NRCAM: variants seen among roughly 807,000 people sequenced by gnomAD.
The protein encoded by NRCAM is NgCAM-related cell adhesion molecule.
A neutral mutation model predicts 156.5 loss-of-function variants in NRCAM; 83 were observed. The observed-to-expected ratio is 0.53, with a 90% CI of 0.44 to 0.64. The LOEUF (loss-of-function observed/expected upper bound fraction) is 0.64. Ranked by LOEUF, NRCAM falls within the 30% of genes least tolerant of loss-of-function variation. NRCAM has a pLI of 0.00. For synonymous variants in NRCAM, 538 were observed against 563.9 expected (o/e 0.95, Z 0.65); for missense variants, 1,417 against 1,597.3 (o/e 0.89, Z 1.92).
intron 3 of NRCAM, among the ~76,000 whole-genome samples, chr7:108,280,809 T>A (rs769157865): frequency 5.4e-5 from 8 of 149,322 alleles, no homozygotes; most frequent in Non-Finnish European, 7.4e-5. Context: ...TGGGTTTTAG[T>A]CTGGGTCTGT....
intron 32 of NRCAM, among the ~76,000 whole-genome samples, chr7:108,155,678 A>T (rs1393788639): frequency 6.6e-6 from 1 of 152,020 alleles, no homozygotes; most frequent in Non-Finnish European, 1.5e-5. Context: ...CCTGTGTGGG[A>T]CCAAATTCTA....
At chr7:108,405,048 A>G (rs2099803461) in intron 1 of NRCAM, among the ~76,000 whole-genome samples, 2 of 152,214 alleles carry the variant, frequency 1.3e-5, no homozygotes, top group Admixed American at 1.3e-4. Flanking sequence ...ACTTAGCAGC[A>G]CAGAGAGCTA....
intron 8 of NRCAM, among the ~76,000 whole-genome samples, chr7:108,227,434 C>A (rs952662510): frequency 2.6e-5 from 4 of 152,178 alleles, no homozygotes; most frequent in Admixed American, 6.5e-5. Context: ...ATACCCATCA[C>A]CTTAGACAGT....
chr7:108,347,760 C>T (rs1482225938), intron 2 of NRCAM, among the ~76,000 whole-genome samples: 1 of 152,194 alleles, frequency 6.6e-6, no homozygotes. Context: ...TTTTGAGCAG[C>T]TTCCCAAAAA....
chr7:108,234,820 A>G (rs764025387), intron 5 of NRCAM, 132 bp from the exon 6 acceptor site: 2 of 780,982 alleles, frequency 2.6e-6, no homozygotes. Flanking sequence ...TTTCTAGTGT[A>G]GCAGCATATA....
intron 32 of NRCAM, among the ~76,000 whole-genome samples, chr7:108,157,210 T>G (rs531447018): frequency 9.2e-5 from 14 of 152,266 alleles, no homozygotes; most frequent in Admixed American, 3.9e-4. Context: ...GTACAAGTGT[T>G]TTTGTCTTCG....
intron 4 of NRCAM, among the ~76,000 whole-genome samples, chr7:108,238,674 T>A (rs1392776963): frequency 6.6e-6 from 1 of 152,148 alleles, no homozygotes; most frequent in African/African-American, 2.4e-5. Context: ...TTCTCTCAAA[T>A]GTTTTCTTTC....
At chr7:108,354,129 A>C (rs2099458635) in intron 2 of NRCAM, among the ~76,000 whole-genome samples, 1 of 152,234 alleles carries the variant, frequency 6.6e-6, no homozygotes. Context: ...CTATATATGA[A>C]TTATCCAACA....
chr7:108,164,948 A>G (rs1452203816), intron 30 of NRCAM, among the ~76,000 whole-genome samples: 2 of 152,188 alleles, frequency 1.3e-5, no homozygotes, highest in African/African-American at 2.4e-5. Flanking sequence ...ATAATTTTCT[A>G]AAGGAGTTGT....
intron 13 of NRCAM, among the ~76,000 whole-genome samples, chr7:108,203,554 C>A (rs758267904): frequency 6.6e-6 from 1 of 152,106 alleles, no homozygotes; most frequent in Non-Finnish European, 1.5e-5. Flanking sequence ...CTCCCTGAAC[C>A]AGCTTCTCCT....
chr7:108,396,238 G>A (rs922206933), intron 2 of NRCAM, among the ~76,000 whole-genome samples: 6 of 152,282 alleles, frequency 3.9e-5, no homozygotes, highest in Middle Eastern at 3.4e-3. Flanking sequence ...TGTGTTCTGC[G>A]CATAAATGAG....
intron 28 of NRCAM, among the ~76,000 whole-genome samples, chr7:108,169,769 CAT>C (rs567591509): frequency 1.8e-3 from 273 of 152,238 alleles, no homozygotes; most frequent in African/African-American, 6.1e-3. Flanking sequence ...AATATGCACA[CAT>C]GTGTAAAACA....
intron 2 of NRCAM, among the ~76,000 whole-genome samples, chr7:108,332,627 A>G (rs747141851): frequency 3.9e-5 from 6 of 152,222 alleles, no homozygotes; most frequent in Non-Finnish European, 7.3e-5. Context: ...AAGTAGTCAA[A>G]CACTGGATGC....
intron 2 of NRCAM, among the ~76,000 whole-genome samples, chr7:108,347,968 C>T (rs991599394): frequency 6.6e-6 from 1 of 152,180 alleles, no homozygotes; most frequent in East Asian, 1.9e-4. Flanking sequence ...ACTGCACTCA[C>T]CATGTTCTAG....
At chr7:108,416,284 T>G (rs1159622251) in intron 1 of NRCAM, among the ~76,000 whole-genome samples, 1 of 152,228 alleles carries the variant, frequency 6.6e-6, no homozygotes, top group African/African-American at 2.4e-5. Context: ...ATTTCTTTTA[T>G]AGTATCATAG....
intron 3 of NRCAM, among the ~76,000 whole-genome samples, chr7:108,310,343 A>AT (rs1420739524): frequency 1.3e-5 from 2 of 152,178 alleles, no homozygotes; most frequent in Non-Finnish European, 2.9e-5. Flanking sequence ...GCAGCCTTGC[A>AT]TTTTAGCTCA....
At chr7:108,210,392 G>A (rs1349501438) in intron 11 of NRCAM, among the ~76,000 whole-genome samples, 2 of 152,086 alleles carry the variant, frequency 1.3e-5, no homozygotes, top group Non-Finnish European at 2.9e-5. Flanking sequence ...GACTACAGGT[G>A]CCCGCCACCA....
chr7:108,190,510 T>C (rs1472410345), intron 19 of NRCAM, among the ~76,000 whole-genome samples: 1 of 152,150 alleles, frequency 6.6e-6, no homozygotes, highest in Non-Finnish European at 1.5e-5. Flanking sequence ...AAGCAGTAAA[T>C]GTCTACAAAG....
chr7:108,211,556 G>T (rs929924626), intron 11 of NRCAM, among the ~76,000 whole-genome samples: 1 of 152,188 alleles, frequency 6.6e-6, no homozygotes, highest in Non-Finnish European at 1.5e-5. Context: ...CACTGTGGGA[G>T]TGAGACTGGC....
Sources: allele counts gnomAD v4.1 joint callset (sites outside exome capture counted in the v4.1 genomes callset), GRCh38; gene constraint gnomAD v4.1.1; transcripts MANE v1.5; gene names NCBI Gene and HGNC (gene_info 2026-07-23, HGNC 2026-07-21).